The following GALNT13 variants were observed in gnomAD, a reference collection of about 807,000 sequenced individuals.
GALNT13 encodes UDP-GalNAc:polypeptide N-acetylgalactosaminyltransferase 13.
Under a neutral mutation model 64.2 loss-of-function variants are expected in GALNT13, and 28 were observed. The observed-to-expected ratio is 0.44, with a 90% CI of 0.32 to 0.60. GALNT13 has a LOEUF of 0.60. Ranked by LOEUF, GALNT13 falls within the 20% of genes least tolerant of loss-of-function variation. The probability of loss-of-function intolerance (pLI) is 0.05; values close to 1 mark genes in which losing one functional copy is unlikely to be tolerated. For missense variants in GALNT13, 577 were observed against 669.8 expected (o/e 0.86, Z 1.53); for synonymous variants, 214 against 224.6 (o/e 0.95, Z 0.42).
At position 153,944,615 on chromosome 2, in the gene GALNT13, A is replaced by C. The variant is rs763447790; in HGVS notation, c.118A>C (p.Arg40=). The C allele has an allele frequency of 8.7e-6, 14 of 1,613,226 alleles. No homozygotes were observed. Among genetic ancestry groups the C allele is most frequent in the South Asian group, 3.3e-5 (3 of 90,974 alleles). Reference sequence around the variant, plus strand: ...TAACAAATGTGATGACAAGAAGGAGAGATCTCTGCTGCCTGCATTGAGGGG... The same window carrying C: ...TAACAAATGTGATGACAAGAAGGAGCGATCTCTGCTGCCTGCATTGAGGGG... ...ECNKCDDKKE[R]SLLPALRAVI... The change falls in exon 3 of 13, where the codon AGA becomes CGA. Residue 40 remains arginine (R), a synonymous_variant. Coordinates refer to ENST00000392825, the MANE Select transcript of GALNT13 (RefSeq NM_052917.4).
At chr2:154,325,684 G>A (rs1694840686) in intron 9 of GALNT13, among the ~76,000 whole-genome samples, 1 of 151,872 alleles carries the variant, frequency 6.6e-6, no homozygotes, top group African/African-American at 2.4e-5. Context: ...GTCATATAAT[G>A]TATGTCACAA....
the GALNT13 span, among the ~76,000 whole-genome samples, chr2:153,296,169 T>TAA: frequency 6.6e-6 from 1 of 152,092 alleles, no homozygotes; most frequent in South Asian, 2.1e-4. Context: ...CTGATCAGCA[T>TAA]TAAGAACTGA....
At chr2:153,491,228 A>G in the GALNT13 span, among the ~76,000 whole-genome samples, 4 of 152,150 alleles carry the variant, frequency 2.6e-5, no homozygotes, top group Admixed American at 2.6e-4. Context: ...TTAGAAATAA[A>G]TCATTTCACA....
the GALNT13 span, among the ~76,000 whole-genome samples, chr2:153,755,316 T>C: frequency 1.3e-5 from 2 of 152,176 alleles, no homozygotes; most frequent in African/African-American, 4.8e-5. Context: ...TTTAGTTTTT[T>C]GAGGAACTCT....
intron 1 of GALNT13, among the ~76,000 whole-genome samples, chr2:153,893,376 C>G (rs1687680116): frequency 6.6e-6 from 1 of 151,886 alleles, no homozygotes; most frequent in South Asian, 2.1e-4. Flanking sequence ...CTTTTGTTCA[C>G]TTTCAGCTTT....
chr2:153,271,811 C>G, the GALNT13 span, among the ~76,000 whole-genome samples: 1 of 152,166 alleles, frequency 6.6e-6, no homozygotes, highest in Non-Finnish European at 1.5e-5. Context: ...ATAGCCAAGA[C>G]AATCCTAAGC....
chr2:153,359,680 C>T, the GALNT13 span, among the ~76,000 whole-genome samples: 1 of 112,420 alleles, frequency 8.9e-6, no homozygotes, highest in South Asian at 2.9e-4. Flanking sequence ...TATGAGAAGG[C>T]AGGAAGTAAC....
chr2:153,996,059 C>A (rs1695502506), intron 3 of GALNT13, among the ~76,000 whole-genome samples: 1 of 152,154 alleles, frequency 6.6e-6, no homozygotes, highest in East Asian at 1.9e-4. Flanking sequence ...ACCACATTTT[C>A]TTTATCCATT....
At chr2:153,410,881 A>C in the GALNT13 span, among the ~76,000 whole-genome samples, 1 of 151,806 alleles carries the variant, frequency 6.6e-6, no homozygotes, top group Non-Finnish European at 1.5e-5. Flanking sequence ...ATTTAGAGAG[A>C]GAGAGAGAGA....
At chr2:154,012,453 G>C (rs919362216) in intron 3 of GALNT13, among the ~76,000 whole-genome samples, 2 of 152,078 alleles carry the variant, frequency 1.3e-5, no homozygotes, top group Non-Finnish European at 2.9e-5. Flanking sequence ...GCCTGACGGG[G>C]TTTCCTTTGT....
At chr2:153,076,970 T>G in the GALNT13 span, among the ~76,000 whole-genome samples, 1 of 151,950 alleles carries the variant, frequency 6.6e-6, no homozygotes, top group East Asian at 1.9e-4. Flanking sequence ...TATTTATTTT[T>G]AGACAGAGTC....
chr2:153,733,028 A>G, the GALNT13 span, among the ~76,000 whole-genome samples: 1 of 152,108 alleles, frequency 6.6e-6, no homozygotes, highest in Non-Finnish European at 1.5e-5. Context: ...CAACATATCT[A>G]AGGATAAAAA....
chr2:153,719,776 G>A, the GALNT13 span, among the ~76,000 whole-genome samples: 2 of 151,740 alleles, frequency 1.3e-5, no homozygotes, highest in African/African-American at 2.4e-5. Context: ...GGCGCACCAC[G>A]AGACTATATC....
chr2:153,166,737 T>A, the GALNT13 span, among the ~76,000 whole-genome samples: 2 of 149,504 alleles, frequency 1.3e-5, no homozygotes, highest in African/African-American at 2.5e-5. Context: ...CAAGGACACC[T>A]GCTCTTGGGC....
At chr2:154,111,607 A>G (rs1039354405) in intron 3 of GALNT13, among the ~76,000 whole-genome samples, 3 of 152,134 alleles carry the variant, frequency 2.0e-5, no homozygotes, top group African/African-American at 7.2e-5. Context: ...AGGTCACGGG[A>G]GCAGGAAGCA....
the GALNT13 span, among the ~76,000 whole-genome samples, chr2:153,410,196 C>T: frequency 6.6e-6 from 1 of 152,090 alleles, no homozygotes; most frequent in African/African-American, 2.4e-5. Context: ...AGTGATCCTC[C>T]CACCTCATCC....
intron 4 of GALNT13, among the ~76,000 whole-genome samples, chr2:154,227,300 C>T (rs1390388314): frequency 1.3e-5 from 2 of 152,012 alleles, no homozygotes; most frequent in Non-Finnish European, 2.9e-5. Context: ...AGCAGGACTC[C>T]ACTGGCTACC....
chr2:153,230,051 A>G, the GALNT13 span, among the ~76,000 whole-genome samples: 3 of 152,224 alleles, frequency 2.0e-5, no homozygotes, highest in African/African-American at 7.2e-5. Flanking sequence ...ATATTTGATC[A>G]AATTAATTCA....
At chr2:153,582,421 G>C in the GALNT13 span, among the ~76,000 whole-genome samples, 1 of 151,896 alleles carries the variant, frequency 6.6e-6, no homozygotes, top group Non-Finnish European at 1.5e-5. Context: ...TTTTATATTA[G>C]TTTATAAGAA....
Sources: allele counts gnomAD v4.1 joint callset (sites outside exome capture counted in the v4.1 genomes callset), GRCh38; gene constraint gnomAD v4.1.1; transcripts MANE v1.5; gene names NCBI Gene and HGNC (gene_info 2026-07-23, HGNC 2026-07-21).